LITAF: variants seen among roughly 807,000 people sequenced by gnomAD.
LITAF encodes lipopolysaccharide induced TNF factor, also known as lipopolysaccharide-induced tumor necrosis factor-alpha factor.
In LITAF, 9 loss-of-function variants were observed where a neutral mutation model predicts 14.5. That is an observed-to-expected ratio of 0.62 (90% confidence interval 0.37 to 1.08). The LOEUF (loss-of-function observed/expected upper bound fraction) is 1.08. Among genes scored for constraint, LITAF ranks in the 50% least tolerant of loss-of-function variants. The probability of loss-of-function intolerance (pLI) is 0.01; values close to 1 mark genes in which losing one functional copy is unlikely to be tolerated. For synonymous variants in LITAF, 98 were observed against 88.2 expected (o/e 1.11, Z -0.62); for missense variants, 206 against 213.4 (o/e 0.97, Z 0.22).
chr16:11,565,606 T>G (rs1453022167), intron 1 of LITAF, among the ~76,000 whole-genome samples: 1 of 152,030 alleles, frequency 6.6e-6, no homozygotes, highest in African/African-American at 2.4e-5. Context: ...TGGGTCTTTC[T>G]GACACCCCTC....
intron 3 of LITAF, among the ~76,000 whole-genome samples, chr16:11,606,197 C>T (rs533143756): frequency 2.0e-5 from 3 of 152,158 alleles, no homozygotes; most frequent in Middle Eastern, 3.4e-3. Context: ...GAGATAAGGT[C>T]TGGCTGTATC....
At chr16:11,606,451 G>A (rs1470306027) in intron 3 of LITAF, among the ~76,000 whole-genome samples, 4 of 152,012 alleles carry the variant, frequency 2.6e-5, no homozygotes, top group Non-Finnish European at 1.5e-5. Context: ...TTATAGATGT[G>A]AGCCACCTCG....
At position 11,549,940 on chromosome 16, in the gene LITAF, A is replaced by G; in HGVS notation, c.378-195T>C. The G allele has an allele frequency of 1.6e-6, 1 of 617,728 alleles. No individual in the cohort carries two copies. Among genetic ancestry groups the G allele is most frequent in the East Asian group, 3.3e-5 (1 of 30,446 alleles). 38.3% of individuals were successfully genotyped at this position (617,728 alleles called of 1,614,324 possible). Reference sequence around the variant, plus strand: ...TGACCTTAGAAGAAGAGGAGAGGACACACAGAGATACAGAGAGGGCAGAAG... The same window carrying G: ...TGACCTTAGAAGAAGAGGAGAGGACGCACAGAGATACAGAGAGGGCAGAAG... On this transcript the variant is annotated intron_variant, in intron 3 of 3. Coordinates refer to ENST00000622633, the MANE Select transcript of LITAF (RefSeq NM_001136472.2). This position sits in a 1 kb window ranked among gnomAD's most constrained non-coding sequence, Gnocchi z 4.6.
At chr16:11,551,902 A>G in intron 3 of LITAF, 2 of 454,062 alleles carry the variant, frequency 4.4e-6, no homozygotes, top group South Asian at 4.0e-5. Context: ...TTTAATACAA[A>G]TATCCAGAGG....
At chr16:11,565,177 G>A (rs1461964458) in intron 1 of LITAF, among the ~76,000 whole-genome samples, 2 of 151,306 alleles carry the variant, frequency 1.3e-5, no homozygotes, top group Non-Finnish European at 2.9e-5. Context: ...CTGCCTCCCA[G>A]GCTCAAGCAA....
intron 3 of LITAF, among the ~76,000 whole-genome samples, chr16:11,552,075 C>T (rs1256863169): frequency 2.6e-5 from 4 of 152,142 alleles, no homozygotes; most frequent in Non-Finnish European, 5.9e-5. Context: ...CTCTCTGGGA[C>T]TCTGAGCCTC....
At chr16:11,577,545 T>A (rs2064659459) in intron 1 of LITAF, among the ~76,000 whole-genome samples, 1 of 152,054 alleles carries the variant, frequency 6.6e-6, no homozygotes, top group African/African-American at 2.4e-5. Flanking sequence ...CTCGAACTCA[T>A]GACCTCAAGT....
Position 11,552,036 on chromosome 16 carries a change from A to G in LITAF, c.377+1497T>C, listed in dbSNP as rs192731700. ...GTTTTGTCTCCTTCCTTCCTTATTT[A>G]ACACATGACCTCAAGGAAGTTAACT... On this transcript the variant is annotated intron_variant, in intron 3 of 3. Transcript: ENST00000622633. Among the ~76,000 whole-genome samples, 10 of 152,178 alleles carry G rather than the reference A, an allele frequency of 6.6e-5. No homozygotes were observed. The East Asian group carries it at 1.9e-3, about 29-fold the overall frequency.
intron 1 of LITAF, among the ~76,000 whole-genome samples, chr16:11,574,018 T>TTTTG (rs2064590232): frequency 2.0e-5 from 3 of 148,230 alleles, no homozygotes; most frequent in African/African-American, 7.5e-5. Context: ...TGGTTTTTTT[T>TTTTG]TTGTTGTTGT....
At chr16:11,585,041 C>T (rs533683045) in intron 1 of LITAF, among the ~76,000 whole-genome samples, 10 of 152,148 alleles carry the variant, frequency 6.6e-5, no homozygotes, top group Admixed American at 6.5e-4. Flanking sequence ...AACTCTGTCT[C>T]TACTAAAAAT....
At chr16:11,638,042 CTATA>C (rs559457634), upstream of LITAF, among the ~76,000 whole-genome samples, 479 of 85,114 alleles carry the variant, frequency 5.6e-3, 48 homozygotes, top group African/African-American at 0.019. Flanking sequence ...CTATATATAT[CTATA>C]TATATATCTA....
intron 1 of LITAF, among the ~76,000 whole-genome samples, chr16:11,570,036 A>T (rs566892758): frequency 6.6e-6 from 1 of 152,028 alleles, no homozygotes; most frequent in East Asian, 1.9e-4. Flanking sequence ...CCTCAAAAAA[A>T]AAAAAAAAGT....
chr16:11,564,554 T>G (rs945959624), intron 1 of LITAF, among the ~76,000 whole-genome samples: 1 of 149,508 alleles, frequency 6.7e-6, no homozygotes, highest in African/African-American at 2.5e-5. Flanking sequence ...GTGTTCTAGA[T>G]AGAATCTTGA....
chr16:11,630,269 T>C (rs2065109773), intron 3 of LITAF, among the ~76,000 whole-genome samples: 1 of 152,094 alleles, frequency 6.6e-6, no homozygotes, highest in Non-Finnish European at 1.5e-5. Context: ...GATCGATTGG[T>C]TTGGGGCACA....
At chr16:11,613,602 G>A (rs1282260518) in intron 3 of LITAF, among the ~76,000 whole-genome samples, 1 of 152,238 alleles carries the variant, frequency 6.6e-6, no homozygotes, top group East Asian at 1.9e-4. Context: ...GCTCCCAGAG[G>A]GTGAGGGCAG....
At chr16:11,597,368 G>C (rs569786249) in intron 1 of LITAF, among the ~76,000 whole-genome samples, 2 of 152,264 alleles carry the variant, frequency 1.3e-5, no homozygotes, top group Non-Finnish European at 2.9e-5. Flanking sequence ...CTGGGCAGTG[G>C]AGTGCGGGTG....
At position 11,610,235 on chromosome 16, in the gene LITAF, G is replaced by A. The variant is rs376912379; in HGVS notation, c.85+23298C>T. Among the ~76,000 whole-genome samples, 126 of 152,340 alleles carry A rather than the reference G, an allele frequency of 8.3e-4. 1 individual carries two copies. The highest frequency in any genetic ancestry group is 2.9e-3 in the African/African-American group (120 of 41,570). ...AGAAACCTGTCCCAGGGGAAAACAG[G>A]GGATCTCTATCGGCAATCCCTAAGA... On this transcript the variant is annotated intron_variant, in intron 3 of 3. Coordinates refer to the LITAF transcript ENST00000574848.
chr16:11,606,970 A>G (rs1246414079), intron 3 of LITAF, among the ~76,000 whole-genome samples: 1 of 152,068 alleles, frequency 6.6e-6, no homozygotes, highest in Non-Finnish European at 1.5e-5. Flanking sequence ...CAACCTTACG[A>G]GCGAAGTGCT....
At position 11,632,313 on chromosome 16, in the gene LITAF, T is replaced by C. The variant is rs1408530979; in HGVS notation, c.85+1220A>G. ...GGCAATCCGCTGGCCCCTCCCCACA[T>C]GGACTGAGAAAGGTGAGGACGACTG... is the stretch of plus-strand genomic sequence containing the variant. On this transcript the variant is annotated intron_variant, in intron 3 of 3. Transcript: ENST00000574848. This position sits in a 1 kb window ranked among gnomAD's most constrained non-coding sequence, Gnocchi z 4.8. 2.0e-5 allele frequency among the ~76,000 whole-genome samples: 3 copies of C among 151,680 alleles called. No homozygotes were observed. The East Asian group carries it at 5.8e-4, about 29-fold the overall frequency.
Sources: gnomAD v4.1 joint callset for allele counts (sites outside exome capture counted in the v4.1 genomes callset) on GRCh38, gnomAD v4.1.1 for gene constraint, Gnocchi (gnomAD v3.1) non-coding constraint, MANE v1.5 for transcripts, NCBI Gene and HGNC (gene_info 2026-07-23, HGNC 2026-07-21) for gene names.